RNF128: variants seen among roughly 807,000 people sequenced by gnomAD.
The protein encoded by RNF128 is ring finger protein 128.
RNF128 carries 13 observed loss-of-function variants against 26.2 expected under a neutral mutation model. The ratio of observed to expected loss-of-function variants is 0.50; its 90% CI spans 0.32 to 0.79. The LOEUF (loss-of-function observed/expected upper bound fraction) is 0.79. RNF128 is among the 30% of genes least tolerant of loss of function. The pLI is 0.03. For synonymous variants in RNF128, 149 were observed against 142.5 expected (o/e 1.05, Z -0.32); for missense variants, 315 against 349.7 (o/e 0.90, Z 0.79).
intron 1 of RNF128, among the ~76,000 whole-genome samples, chrX:106,741,699 A>G (rs1929705072): frequency 8.9e-6 from 1 of 112,218 alleles, no homozygotes; most frequent in Non-Finnish European, 1.9e-5. Context: ...TTTTCAGATT[A>G]AATCAAAATT....
At chrX:106,776,199 T>C (rs1386022557) in intron 2 of RNF128, among the ~76,000 whole-genome samples, 1 of 112,194 alleles carries the variant, frequency 8.9e-6, no homozygotes, top group Non-Finnish European at 1.9e-5. Flanking sequence ...ACTATACACT[T>C]GACTCTAGCA....
chrX:106,728,038 TGAAAAA>T (rs1929437151), intron 1 of RNF128, among the ~76,000 whole-genome samples: 1 of 111,458 alleles, frequency 9.0e-6, no homozygotes, highest in Admixed American at 9.5e-5. Flanking sequence ...CTAACGTTCT[TGAAAAA>T]GAAGAGGTTT....
intron 1 of RNF128, among the ~76,000 whole-genome samples, chrX:106,752,817 G>C (rs1262920412): frequency 9.0e-6 from 1 of 111,731 alleles, no homozygotes; most frequent in Non-Finnish European, 1.9e-5. Context: ...AGATAACACA[G>C]AGAAGGAATT....
intron 1 of RNF128, among the ~76,000 whole-genome samples, chrX:106,755,153 C>G (rs988958336): frequency 1.8e-5 from 2 of 111,377 alleles, no homozygotes; most frequent in Non-Finnish European, 3.8e-5. Flanking sequence ...AATTGGAAAA[C>G]GTTGAAGAAA....
chrX:106,770,302 A>G (rs1282387479), intron 1 of RNF128, among the ~76,000 whole-genome samples: 1 of 111,197 alleles, frequency 9.0e-6, no homozygotes, highest in Non-Finnish European at 1.9e-5. Flanking sequence ...GCCTTGCTAG[A>G]TTGGGGAAGT....
intron 2 of RNF128, among the ~76,000 whole-genome samples, chrX:106,782,249 T>C (rs774929040): frequency 1.8e-5 from 2 of 112,517 alleles, no homozygotes; most frequent in Non-Finnish European, 3.7e-5. Context: ...AGCAAAACGA[T>C]TGTGAAAGAC....
chrX:106,772,971 A>G lies in RNF128; in HGVS notation c.543A>G (p.Gln181=), dbSNP rs770884311. 1.9e-5 allele frequency: 23 copies of G among 1,211,089 alleles called. No homozygotes were observed. The highest frequency in any genetic ancestry group is 2.2e-5 in the Non-Finnish European group (20 of 894,911). ...ATCTGAAAGGCACAAAAATTCTGCAATCTATTCAAAGAGGCATACAAGTGA... is the reference window on the plus strand; with the variant it reads ...ATCTGAAAGGCACAAAAATTCTGCAGTCTATTCAAAGAGGCATACAAGTGA... ...IGNLKGTKIL[Q]SIQRGIQVTM... The change falls in exon 2 of 7, where the codon CAA becomes CAG. Residue 181 remains glutamine (Q), a synonymous_variant. Transcript: ENST00000255499.
chrX:106,784,081 A>G (rs769338267), intron 2 of RNF128, among the ~76,000 whole-genome samples: 1 of 111,697 alleles, frequency 9.0e-6, no homozygotes, highest in Non-Finnish European at 1.9e-5. Flanking sequence ...ACTTCAATTC[A>G]TATGTATATT....
chrX:106,772,057 T>C (rs1011355130), intron 1 of RNF128, among the ~76,000 whole-genome samples: 1 of 112,189 alleles, frequency 8.9e-6, no homozygotes. Flanking sequence ...TCATATAAAC[T>C]AGAGGGAATA....
chrX:106,707,608 T>G (rs1001137756), intron 1 of RNF128, among the ~76,000 whole-genome samples: 13 of 110,914 alleles, frequency 1.2e-4, no homozygotes, highest in African/African-American at 4.3e-4. Flanking sequence ...TTTACTTTTG[T>G]GTCTTGGAGA....
chrX:106,739,182 C>T (rs965871441), intron 1 of RNF128, among the ~76,000 whole-genome samples: 32 of 106,854 alleles, frequency 3.0e-4, no homozygotes, highest in Non-Finnish European at 1.5e-4. Flanking sequence ...TTTTTTGAGA[C>T]GCAGTCTTGC....
intron 1 of RNF128, among the ~76,000 whole-genome samples, chrX:106,747,945 C>A (rs1215444666): frequency 8.9e-6 from 1 of 112,042 alleles, no homozygotes; most frequent in African/African-American, 3.2e-5. Flanking sequence ...TATAGCCCCA[C>A]AGGCTAGCAT....
chrX:106,723,921 CA>C (rs974191083), upstream of RNF128, among the ~76,000 whole-genome samples: 1 of 111,043 alleles, frequency 9.0e-6, no homozygotes, highest in African/African-American at 3.3e-5. Context: ...ACCATGAGCT[CA>C]TTGAAGGCAA....
intron 4 of RNF128, among the ~76,000 whole-genome samples, chrX:106,788,986 CAGTATATATACTATATACTG>C (rs1195668187): frequency 5.2e-5 from 4 of 76,494 alleles, no homozygotes; most frequent in South Asian, 6.0e-4. Flanking sequence ...ACTATATGTA[CAGTATATATACTATATACTG>C]AGTATATATA....
In RNF128 at chrX:106,791,063, A is replaced by T. The variant is rs1357721932; in HGVS notation, c.985-3A>T. The T allele has an allele frequency of 8.3e-7, 1 of 1,203,765 alleles. No homozygotes were observed. The highest frequency in any genetic ancestry group is 1.8e-5 in the South Asian group (1 of 55,860). ...CTTTTAATTTGTTACATGTTCTTTA[A>T]AGGTGGATGTTGAAGATGGATCAGT... On this transcript the variant is annotated splice_polypyrimidine_tract_variant and splice_region_variant and intron_variant, in intron 5 of 6. Transcript: ENST00000255499.
At chrX:106,777,546 C>T (rs1474837867) in intron 2 of RNF128, among the ~76,000 whole-genome samples, 3 of 111,693 alleles carry the variant, frequency 2.7e-5, no homozygotes, top group Non-Finnish European at 3.8e-5. Flanking sequence ...CCACACGAAT[C>T]CACTTTTACA....
intron 1 of RNF128, among the ~76,000 whole-genome samples, chrX:106,749,815 G>A (rs1005864476): frequency 9.1e-6 from 1 of 109,906 alleles, no homozygotes; most frequent in Non-Finnish European, 1.9e-5. Flanking sequence ...TGAGGTGGGA[G>A]TATCACTTGA....
chrX:106,787,370 A>G (rs768622810), intron 3 of RNF128, among the ~76,000 whole-genome samples: 74 of 111,473 alleles, frequency 6.6e-4, no homozygotes, highest in African/African-American at 2.2e-3. Flanking sequence ...GCATGATTCC[A>G]TTTATATGAC....
chrX:106,757,996 T>C (rs1357327991), intron 1 of RNF128, among the ~76,000 whole-genome samples: 1 of 112,109 alleles, frequency 8.9e-6, no homozygotes, highest in Non-Finnish European at 1.9e-5. Flanking sequence ...AAAGTCAAAT[T>C]ATCCTTGTTT....
Sources: allele counts gnomAD v4.1 joint callset (sites outside exome capture counted in the v4.1 genomes callset), GRCh38; gene constraint gnomAD v4.1.1; transcripts MANE v1.5; gene names NCBI Gene and HGNC (gene_info 2026-07-23, HGNC 2026-07-21).